The following SUSD4 variants were observed in gnomAD, a reference collection of about 807,000 sequenced individuals.
The protein encoded by SUSD4 is sushi domain-containing protein 4.
In SUSD4, 41 loss-of-function variants were observed where a neutral mutation model predicts 50.5. The observed-to-expected ratio is 0.81, with a 90% CI of 0.63 to 1.05. The LOEUF (loss-of-function observed/expected upper bound fraction) is 1.05. Ranked by LOEUF, SUSD4 falls within the 50% of genes least tolerant of loss-of-function variation. The pLI is 0.00. For missense variants in SUSD4, 580 were observed against 634.7 expected, an observed-to-expected ratio of 0.91 and a Z score of 0.93; for synonymous variants, 257 against 257.3, an observed-to-expected ratio of 1.00 and a Z score of 0.01.
intron 5 of SUSD4, among the ~76,000 whole-genome samples, chr1:223,250,406 A>G (rs1661220500): frequency 6.6e-6 from 1 of 152,200 alleles, no homozygotes; most frequent in South Asian, 2.1e-4. Flanking sequence ...ACTCAATCCT[A>G]ACAACAATTT....
intron 2 of SUSD4, among the ~76,000 whole-genome samples, chr1:223,317,077 G>T (rs1334658181): frequency 1.3e-5 from 2 of 152,196 alleles, no homozygotes; most frequent in African/African-American, 4.8e-5. Context: ...CTACTGGGCT[G>T]CATTCCCAGA....
At chr1:223,362,940 A>ACCCCCCCCCCCCCCCCCCCCCCCCC (rs1411258473) in intron 2 of SUSD4, among the ~76,000 whole-genome samples, 1 of 66,252 alleles carries the variant, frequency 1.5e-5, no homozygotes, top group Non-Finnish European at 3.0e-5. Flanking sequence ...CCCACCCCCC[A>ACCCCCCCCCCCCCCCCCCCCCCCCC]CCCCTCCCCC....
Position 223,292,485 on chromosome 1 carries a change from T to C in SUSD4, c.315A>G (p.Gly105=). ...TATCACTTGGGATCCAGCCTAGGGT[T>C]CCATTAAAATGCTTCAAACACAGTC... ...TKRLCLKHFN[G]TLGWIPSDNS... The change falls in exon 3 of 9, where the codon GGA becomes GGG. Residue 105 remains glycine (G), a synonymous_variant. Coordinates refer to ENST00000366878, the MANE Select transcript of SUSD4 (RefSeq NM_017982.4). The C allele has an allele frequency of 6.2e-7, 1 of 1,614,208 alleles. No individual in the cohort carries two copies.
chr1:223,341,974 G>A (rs572123986), intron 2 of SUSD4, among the ~76,000 whole-genome samples: 2 of 152,238 alleles, frequency 1.3e-5, no homozygotes, highest in East Asian at 1.9e-4. Context: ...GGCTGGTCAC[G>A]TCGAGTGTAA....
chr1:223,243,721 A>G (rs1660738869), intron 5 of SUSD4, among the ~76,000 whole-genome samples: 1 of 152,268 alleles, frequency 6.6e-6, no homozygotes, highest in African/African-American at 2.4e-5. Flanking sequence ...GGGAAGGGCA[A>G]CTAATCCTAT....
chr1:223,335,157 A>G (rs1667390539), intron 2 of SUSD4, among the ~76,000 whole-genome samples: 1 of 152,100 alleles, frequency 6.6e-6, no homozygotes, highest in Non-Finnish European at 1.5e-5. Context: ...CATTTTTGCA[A>G]TTGTGAATGT....
chr1:223,348,122 T>C (rs1668145011), intron 2 of SUSD4, among the ~76,000 whole-genome samples: 1 of 152,114 alleles, frequency 6.6e-6, no homozygotes, highest in South Asian at 2.1e-4. Context: ...AAAAACTTTG[T>C]TCATATGCAA....
intron 2 of SUSD4, among the ~76,000 whole-genome samples, chr1:223,335,195 T>A (rs1667393226): frequency 6.6e-6 from 1 of 151,882 alleles, no homozygotes; most frequent in Non-Finnish European, 1.5e-5. Context: ...TATGCAAGTA[T>A]TTTTTTTCAT....
chr1:223,353,925 G>A lies in SUSD4; in HGVS notation c.148+9353C>T, dbSNP rs111878754. ...CCATTGAAGGTTAGAAAGCTACTCG[G>A]GAGGCTGAGGCAGGAGAATTGCTTG... On this transcript the variant is annotated intron_variant, in intron 2 of 8. Transcript: ENST00000366878. Among the ~76,000 whole-genome samples, 999 of 152,122 alleles carry A rather than the reference G, an allele frequency of 6.6e-3. 27 individuals carry two copies. The East Asian group carries it at 0.086, about 13-fold the overall frequency.
At chr1:223,348,614 A>C (rs961944555) in intron 2 of SUSD4, among the ~76,000 whole-genome samples, 1 of 152,192 alleles carries the variant, frequency 6.6e-6, no homozygotes, top group Non-Finnish European at 1.5e-5. Context: ...GATGCCTACC[A>C]GTCCAAATAG....
At chr1:223,356,558 G>A (rs1349641528) in intron 2 of SUSD4, among the ~76,000 whole-genome samples, 1 of 151,962 alleles carries the variant, frequency 6.6e-6, no homozygotes, top group African/African-American at 2.4e-5. Context: ...TTACCGGCAT[G>A]AGCCACCGTG....
chr1:223,233,120 A>G (rs1660000598), intron 5 of SUSD4, among the ~76,000 whole-genome samples: 2 of 152,212 alleles, frequency 1.3e-5, no homozygotes, highest in African/African-American at 2.4e-5. Context: ...AACACATCTC[A>G]TCACCACATT....
intron 3 of SUSD4, chr1:223,289,409 G>T (rs1484066735): frequency 4.9e-5 from 30 of 610,774 alleles, no homozygotes; most frequent in Non-Finnish European, 6.1e-5. Context: ...GAATAAGGGG[G>T]CCATGTGAAA....
intron 2 of SUSD4, 27 bp downstream of exon 2, chr1:223,363,251 C>A: frequency 6.5e-7 from 1 of 1,541,282 alleles, no homozygotes; most frequent in South Asian, 1.3e-5. Context: ...CATCCCCAGG[C>A]CCTCCCACCA....
At chr1:223,329,337 T>C (rs1456106612) in intron 2 of SUSD4, among the ~76,000 whole-genome samples, 2 of 152,230 alleles carry the variant, frequency 1.3e-5, no homozygotes, top group Admixed American at 6.5e-5. Flanking sequence ...CTGTGAGTTG[T>C]CTGCTCTGAC....
intron 3 of SUSD4, among the ~76,000 whole-genome samples, chr1:223,269,948 T>TGGCTAGTGGGTGAGTGG (rs1662790681): frequency 6.6e-6 from 1 of 152,062 alleles, no homozygotes; most frequent in Non-Finnish European, 1.5e-5. Context: ...GGAAATGCTG[T>TGGCTAGTGGGTGAGTGG]GGCTAGTGGG....
At chr1:223,262,235 C>A (rs1030298881) in intron 5 of SUSD4, among the ~76,000 whole-genome samples, 1 of 152,204 alleles carries the variant, frequency 6.6e-6, no homozygotes, top group African/African-American at 2.4e-5. Context: ...AAGAGAAAGA[C>A]TTCCACAGCA....
intron 5 of SUSD4, among the ~76,000 whole-genome samples, chr1:223,249,669 AT>A (rs1661175616): frequency 6.6e-6 from 1 of 152,256 alleles, no homozygotes; most frequent in Non-Finnish European, 1.5e-5. Context: ...TAATAAGTTT[AT>A]ATTATCCATA....
intron 2 of SUSD4, among the ~76,000 whole-genome samples, chr1:223,322,790 T>C (rs1211404140): frequency 1.3e-5 from 2 of 152,194 alleles, no homozygotes; most frequent in African/African-American, 4.8e-5. Flanking sequence ...CTGACTAGGG[T>C]AAGCTTTTCA....
Sources: gnomAD v4.1 joint callset for allele counts (sites outside exome capture counted in the v4.1 genomes callset) on GRCh38, gnomAD v4.1.1 for gene constraint, MANE v1.5 for transcripts, NCBI Gene and HGNC (gene_info 2026-07-23, HGNC 2026-07-21) for gene names.